Variants in FRMD4A observed in about 807,000 individuals in gnomAD.
The protein encoded by FRMD4A is FERM domain containing 4A.
Under a neutral mutation model 129.1 loss-of-function variants are expected in FRMD4A, and 29 were observed. That is an observed-to-expected ratio of 0.22 (90% CI 0.17 to 0.31). The LOEUF (loss-of-function observed/expected upper bound fraction) is 0.31. Among genes scored for constraint, FRMD4A ranks in the 10% least tolerant of loss-of-function variants. FRMD4A has a pLI of 1.00. For missense variants in FRMD4A, 1,272 were observed against 1,375.8 expected (o/e 0.92, Z 1.19); for synonymous variants, 634 against 571.6 (o/e 1.11, Z -1.56).
chr10:14,219,067 G>A (rs1295506298), intron 2 of FRMD4A, among the ~76,000 whole-genome samples: 1 of 150,808 alleles, frequency 6.6e-6, no homozygotes, highest in Admixed American at 6.6e-5. Context: ...AACATAGGAA[G>A]TAAGAGGAAG....
Position 14,330,760 on chromosome 10 carries a change from A to C in FRMD4A, c.-245T>G. The C allele has an allele frequency of 2.5e-6, 1 of 398,902 alleles. No homozygotes were observed. The highest frequency in any genetic ancestry group is 4.4e-6 in the Non-Finnish European group (1 of 226,348). The allele number at this position is 398,902 out of a possible 1,614,324, so 24.7% of individuals were successfully genotyped here. On this transcript the variant is annotated 5_prime_UTR_variant, in exon 1 of 25. Coordinates refer to ENST00000357447, the MANE Select transcript of FRMD4A (RefSeq NM_018027.5). ...ATCCCCGAGGAGGAAGTCACTTAGG[A>C]ACTGACCCTTCCACCTTCCCCAGAT...
At chr10:13,740,849 C>T (rs1181157178) in intron 9 of FRMD4A, among the ~76,000 whole-genome samples, 10 of 64,912 alleles carry the variant, frequency 1.5e-4, no homozygotes, top group African/African-American at 5.3e-4. Context: ...TTTTTTGAGA[C>T]GGAGTCTTGC....
At chr10:14,324,940 C>G (rs1843210703) in intron 2 of FRMD4A, among the ~76,000 whole-genome samples, 1 of 152,184 alleles carries the variant, frequency 6.6e-6, no homozygotes, top group East Asian at 1.9e-4. Context: ...GGATTACAGG[C>G]ATGAGCCACC....
chr10:13,740,950 C>T (rs947599165), intron 9 of FRMD4A, among the ~76,000 whole-genome samples: 2 of 151,624 alleles, frequency 1.3e-5, no homozygotes, highest in East Asian at 2.0e-4. Flanking sequence ...CCTCAGCCTC[C>T]AGAGTAGCTG....
intron 3 of FRMD4A, among the ~76,000 whole-genome samples, chr10:13,823,058 A>T (rs1327868074): frequency 1.3e-5 from 2 of 152,148 alleles, no homozygotes; most frequent in Admixed American, 6.5e-5. Context: ...CCTAAGATGC[A>T]GTCTGGTCCC....
At chr10:14,015,408 C>T (rs1022810752) in intron 2 of FRMD4A, among the ~76,000 whole-genome samples, 1 of 150,822 alleles carries the variant, frequency 6.6e-6, no homozygotes, top group African/African-American at 2.5e-5. Context: ...GCCTCCCCTC[C>T]TTCCCCTTCC....
At chr10:13,980,867 TG>T (rs1315310395) in intron 2 of FRMD4A, among the ~76,000 whole-genome samples, 5 of 152,176 alleles carry the variant, frequency 3.3e-5, no homozygotes, top group Non-Finnish European at 7.4e-5. Flanking sequence ...CTGCCATGAA[TG>T]ATCTGTCTTG....
At chr10:14,078,388 A>G (rs1835733017) in intron 2 of FRMD4A, among the ~76,000 whole-genome samples, 1 of 152,226 alleles carries the variant, frequency 6.6e-6, no homozygotes, top group African/African-American at 2.4e-5. Flanking sequence ...CTATTGGGAA[A>G]TCTTCCGACT....
At chr10:14,114,235 C>T (rs1204278560) in intron 2 of FRMD4A, among the ~76,000 whole-genome samples, 1 of 152,194 alleles carries the variant, frequency 6.6e-6, no homozygotes, top group East Asian at 1.9e-4. Flanking sequence ...TCCTCAGGCT[C>T]TCTTCTTTGT....
rs116438604 is a variant in FRMD4A, at chr10:13,906,116, A to G, written c.46-47204T>C. On this transcript the variant is annotated intron_variant, in intron 2 of 24. Transcript: ENST00000357447. ...GACCTTGGCATCCTTCTTGGTGTGT[A>G]TTAGAATGCAGCTACTTATGGATTC... Among the ~76,000 whole-genome samples the G allele has an allele frequency of 1.6e-3, 247 of 152,332 alleles. 1 individual carries two copies. The highest frequency in any genetic ancestry group is 5.5e-3 in the African/African-American group (230 of 41,592).
intron 2 of FRMD4A, among the ~76,000 whole-genome samples, chr10:14,073,032 T>A (rs191562324): frequency 1.5e-3 from 220 of 142,598 alleles, no homozygotes; most frequent in African/African-American, 6.3e-3. Flanking sequence ...GATAAAAAAA[T>A]AATAGCTTTA....
At chr10:13,882,908 A>ATCCT (rs2094563906) in intron 2 of FRMD4A, among the ~76,000 whole-genome samples, 1 of 151,726 alleles carries the variant, frequency 6.6e-6, no homozygotes, top group African/African-American at 2.4e-5. Context: ...GGCTCAAGCA[A>ATCCT]TCCTCCCACC....
chr10:14,204,851 A>G lies in FRMD4A; in HGVS notation c.45+125207T>C, dbSNP rs553487574. Among the ~76,000 whole-genome samples the G allele has an allele frequency of 2.3e-4, 35 of 152,236 alleles. No homozygotes were observed. The South Asian group carries it at 6.6e-3, about 29-fold the overall frequency. On this transcript the variant is annotated intron_variant, in intron 2 of 24. Transcript: ENST00000357447. ...ACCCGAGATAACCCAGCTGTGTGCAAAATCAAGCCTATTGAACGCGAAAGC... is the reference window on the plus strand; with the variant it reads ...ACCCGAGATAACCCAGCTGTGTGCAGAATCAAGCCTATTGAACGCGAAAGC...
chr10:13,920,756 T>G (rs1232764712), intron 2 of FRMD4A, among the ~76,000 whole-genome samples: 7 of 152,360 alleles, frequency 4.6e-5, no homozygotes, highest in Admixed American at 3.9e-4. Context: ...TTCCAAAATT[T>G]TGTACACATG....
intron 3 of FRMD4A, among the ~76,000 whole-genome samples, chr10:13,820,806 G>A (rs958268144): frequency 2.6e-5 from 4 of 152,196 alleles, no homozygotes; most frequent in Admixed American, 6.5e-5. Flanking sequence ...CACTCTGCCC[G>A]GGACCCCGGG....
At chr10:14,180,822 T>A (rs977918449) in intron 2 of FRMD4A, among the ~76,000 whole-genome samples, 4 of 152,220 alleles carry the variant, frequency 2.6e-5, no homozygotes, top group Non-Finnish European at 5.9e-5. Flanking sequence ...ATGATTACTA[T>A]TTTCCAGACC....
At chr10:14,075,898 G>C (rs572005482) in intron 2 of FRMD4A, among the ~76,000 whole-genome samples, 47 of 152,310 alleles carry the variant, frequency 3.1e-4, no homozygotes, top group African/African-American at 1.1e-3. Flanking sequence ...GAGATTGTGT[G>C]ATTGTGTCTG....
intron 15 of FRMD4A, chr10:13,693,065 G>T (rs1324293455): frequency 1.3e-5 from 2 of 149,998 alleles, no homozygotes; most frequent in Non-Finnish European, 2.9e-5. Flanking sequence ...TAGAGACGGG[G>T]TCTCATTATA....
intron 6 of FRMD4A, among the ~76,000 whole-genome samples, chr10:13,778,931 A>G (rs1177461013): frequency 6.6e-6 from 1 of 152,202 alleles, no homozygotes. Context: ...CACATTCTGC[A>G]TGTGTATCCC....
Sources: gnomAD v4.1 joint callset for allele counts (sites outside exome capture counted in the v4.1 genomes callset) on GRCh38, gnomAD v4.1.1 for gene constraint, MANE v1.5 for transcripts, NCBI Gene and HGNC (gene_info 2026-07-23, HGNC 2026-07-21) for gene names.